The following GRIA1 variants were observed in gnomAD, a reference collection of about 807,000 sequenced individuals.
GRIA1 encodes glutamate receptor 1.
In GRIA1, 31 loss-of-function variants were observed where a neutral mutation model predicts 99.2. The observed-to-expected ratio is 0.31, with a 90% CI of 0.23 to 0.42. The LOEUF (loss-of-function observed/expected upper bound fraction) is 0.42. Among genes scored for constraint, GRIA1 ranks in the 10% least tolerant of loss-of-function variants. GRIA1 has a pLI of 1.00. For synonymous variants in GRIA1, 438 were observed against 432.4 expected, an observed-to-expected ratio of 1.01 and a Z score of -0.16; for missense variants, 782 against 1,157.5, an observed-to-expected ratio of 0.68 and a Z score of 4.71.
chr5:153,759,740 A>G (rs1171570697), intron 11 of GRIA1, among the ~76,000 whole-genome samples: 1 of 151,918 alleles, frequency 6.6e-6, no homozygotes, highest in African/African-American at 2.4e-5. Flanking sequence ...ACCAGACACA[A>G]CAAAAAAGAA....
intron 13 of GRIA1, among the ~76,000 whole-genome samples, chr5:153,774,199 AAC>A (rs1180327605): frequency 2.0e-5 from 3 of 151,410 alleles, no homozygotes; most frequent in African/African-American, 7.3e-5. Flanking sequence ...AAATACCACA[AAC>A]ACATGTGCCT....
intron 5 of GRIA1, among the ~76,000 whole-genome samples, chr5:153,671,747 G>C (rs773100933): frequency 6.6e-6 from 1 of 152,116 alleles, no homozygotes; most frequent in Admixed American, 6.6e-5. Flanking sequence ...AATATATACT[G>C]TGCACCTACT....
chr5:153,634,295 G>A (rs1753190031), intron 2 of GRIA1, among the ~76,000 whole-genome samples: 2 of 149,630 alleles, frequency 1.3e-5, no homozygotes, highest in African/African-American at 2.5e-5. Flanking sequence ...TCCAGTCTGG[G>A]CAACAGAGTG....
intron 1 of GRIA1, among the ~76,000 whole-genome samples, chr5:153,493,304 C>T (rs1266948833): frequency 6.6e-6 from 1 of 152,160 alleles, no homozygotes; most frequent in Non-Finnish European, 1.5e-5. Flanking sequence ...GTAAGCAAAA[C>T]ATTGTTTGCA....
At chr5:153,534,066 G>A (rs1758329487) in intron 2 of GRIA1, among the ~76,000 whole-genome samples, 2 of 152,214 alleles carry the variant, frequency 1.3e-5, no homozygotes, top group African/African-American at 4.8e-5. Flanking sequence ...TCCTCTCAGG[G>A]TTTTGGGGCT....
At chr5:153,663,498 C>T (rs1399622372) in intron 5 of GRIA1, among the ~76,000 whole-genome samples, 2 of 152,176 alleles carry the variant, frequency 1.3e-5, no homozygotes, top group Non-Finnish European at 2.9e-5. Context: ...GTCACTTCTC[C>T]TGTTTGTACC....
intron 2 of GRIA1, among the ~76,000 whole-genome samples, chr5:153,598,948 C>A (rs537177408): frequency 6.6e-6 from 1 of 152,198 alleles, no homozygotes; most frequent in Non-Finnish European, 1.5e-5. Flanking sequence ...GTGGCACAAT[C>A]TCGGCTCACC....
chr5:153,514,110 G>A (rs753268084), intron 2 of GRIA1, among the ~76,000 whole-genome samples: 22 of 152,154 alleles, frequency 1.4e-4, no homozygotes, highest in Non-Finnish European at 2.4e-4. Context: ...TGCTTTCCTG[G>A]CTGTGTAGGT....
chr5:153,776,363 G>A (rs1764253803), intron 13 of GRIA1, among the ~76,000 whole-genome samples: 1 of 152,120 alleles, frequency 6.6e-6, no homozygotes, highest in African/African-American at 2.4e-5. Context: ...GCTTGACTGG[G>A]TACAAACTGA....
intron 8 of GRIA1, among the ~76,000 whole-genome samples, chr5:153,696,272 A>C (rs1003416314): frequency 6.6e-6 from 1 of 152,206 alleles, no homozygotes; most frequent in Non-Finnish European, 1.5e-5. Flanking sequence ...AAAACATAAA[A>C]AGCACTTTAA....
chr5:153,499,429 T>C (rs1754750980), intron 2 of GRIA1, among the ~76,000 whole-genome samples: 1 of 151,552 alleles, frequency 6.6e-6, no homozygotes, highest in African/African-American at 2.4e-5. Context: ...TCCTGGCTAA[T>C]ACAGTGAAAC....
chr5:153,560,965 C>A (rs1376422152), intron 2 of GRIA1, among the ~76,000 whole-genome samples: 1 of 152,168 alleles, frequency 6.6e-6, no homozygotes, highest in Non-Finnish European at 1.5e-5. Flanking sequence ...AAGGGTAGAT[C>A]TGAGACAAAG....
intron 2 of GRIA1, among the ~76,000 whole-genome samples, chr5:153,523,082 T>C (rs1046280517): frequency 1.3e-5 from 2 of 151,572 alleles, no homozygotes; most frequent in Non-Finnish European, 2.9e-5. Context: ...CATTTTATTA[T>C]TAGACCTCTC....
chr5:153,780,307 C>T (rs1183020343), intron 13 of GRIA1, among the ~76,000 whole-genome samples: 2 of 152,116 alleles, frequency 1.3e-5, no homozygotes, highest in Non-Finnish European at 2.9e-5. Context: ...TTTTGGTGTT[C>T]CTGAGACCTG....
intron 8 of GRIA1, among the ~76,000 whole-genome samples, chr5:153,696,305 T>C (rs753805160): frequency 6.6e-6 from 1 of 152,212 alleles, no homozygotes; most frequent in Admixed American, 6.5e-5. Context: ...ATGCAAGCAT[T>C]CAGTAAATGA....
At chr5:153,547,734 T>C (rs138389160) in intron 2 of GRIA1, among the ~76,000 whole-genome samples, 159 of 152,310 alleles carry the variant, frequency 1.0e-3, no homozygotes, top group Middle Eastern at 3.4e-3. Flanking sequence ...AACTTTTATG[T>C]GGCTCCATGT....
At chr5:153,528,960 G>T (rs928321397) in intron 2 of GRIA1, among the ~76,000 whole-genome samples, 1 of 152,136 alleles carries the variant, frequency 6.6e-6, no homozygotes, top group African/African-American at 2.4e-5. Context: ...TACAAAGAAT[G>T]AATGAGTCTC....
chr5:153,561,813 G>C (rs867673), intron 2 of GRIA1, among the ~76,000 whole-genome samples: 1 of 152,120 alleles, frequency 6.6e-6, no homozygotes, highest in Non-Finnish European at 1.5e-5. Context: ...AAAGGAGGGG[G>C]CAATCACTTC....
At chr5:153,659,125 G>C (rs1329850238) in intron 5 of GRIA1, among the ~76,000 whole-genome samples, 3 of 152,042 alleles carry the variant, frequency 2.0e-5, no homozygotes, top group Admixed American at 6.5e-5. Flanking sequence ...CCTACTCATA[G>C]TGTCACTGGG....
Sources: gnomAD v4.1 joint callset for allele counts (sites outside exome capture counted in the v4.1 genomes callset) on GRCh38, gnomAD v4.1.1 for gene constraint, MANE v1.5 for transcripts, NCBI Gene and HGNC (gene_info 2026-07-23, HGNC 2026-07-21) for gene names.